The following USP12 variants were observed in gnomAD, a reference collection of about 807,000 sequenced individuals.
USP12 encodes the protein ubiquitin specific peptidase 12, also known as ubiquitin carboxyl-terminal hydrolase 12.
USP12 carries 19 observed loss-of-function variants against 45.5 expected under a neutral mutation model. The ratio of observed to expected loss-of-function variants is 0.42; its 90% confidence interval spans 0.29 to 0.61. The LOEUF (loss-of-function observed/expected upper bound fraction) is 0.61, where lower values mean the gene tolerates loss of function less well. USP12 is among the 20% of genes least tolerant of loss of function. The probability of loss-of-function intolerance (pLI) is 0.22; values close to 1 mark genes in which losing one functional copy is unlikely to be tolerated. For synonymous variants in USP12, 149 were observed against 148.8 expected, an observed-to-expected ratio of 1.00 and a Z score of -0.01; for missense variants, 242 against 447.7, an observed-to-expected ratio of 0.54 and a Z score of 4.15.
chr13:27,088,300 C>T (rs942870714), intron 6 of USP12, among the ~76,000 whole-genome samples: 18 of 151,756 alleles, frequency 1.2e-4, no homozygotes, highest in Non-Finnish European at 1.9e-4. Context: ...CCTGTAGTCC[C>T]AGCTACTCGG....
At chr13:27,143,125 A>G (rs949324406) in intron 1 of USP12, among the ~76,000 whole-genome samples, 26 of 151,708 alleles carry the variant, frequency 1.7e-4, no homozygotes, top group African/African-American at 6.3e-4. Flanking sequence ...GTGAAAGAAC[A>G]ATAAAGTAGT....
intron 1 of USP12, among the ~76,000 whole-genome samples, chr13:27,120,791 T>G (rs1169755364): frequency 2.6e-5 from 4 of 152,152 alleles, no homozygotes; most frequent in Non-Finnish European, 5.9e-5. Context: ...ACTATAGAAT[T>G]CATCATGAAG....
chr13:27,086,430 T>C (rs2137766620), intron 6 of USP12, among the ~76,000 whole-genome samples: 1 of 151,780 alleles, frequency 6.6e-6, no homozygotes, highest in East Asian at 1.9e-4. Context: ...ACTATGTGTG[T>C]ATATACATAC....
At position 27,095,710 on chromosome 13, in the gene USP12, T is replaced by G; in HGVS notation, c.464A>C (p.Asn155Thr). 1 of 1,613,272 alleles carries G rather than the reference T, an allele frequency of 6.2e-7. No individual in the cohort carries two copies. The highest frequency in any genetic ancestry group is 1.1e-5 in the South Asian group (1 of 90,992). The stretch of plus-strand genomic sequence containing the variant: ...ATTATTTTCATTATCAATATTACCA[T>G]TAGGTAAACGACCATTTTGTTTTTC... ...KQEKQNGRLPNGNIDNENNNS... is the reference protein window; with the variant it reads ...KQEKQNGRLPTGNIDNENNNS... The change falls in exon 4 of 9, where the codon AAT (asparagine) becomes ACT (threonine). Residue 155 changes from asparagine to threonine, a missense_variant. Physicochemically the swap from Asn to Thr is moderately conservative, Grantham distance 65 (BLOSUM62 0). This residue lies in a region of USP12 where 40 missense variants were observed against 38.6 expected (regional missense o/e 1.04). Coordinates refer to ENST00000282344, the MANE Select transcript of USP12 (RefSeq NM_182488.4).
chr13:27,169,988 G>A (rs1056039561), intron 1 of USP12: 3 of 224,488 alleles, frequency 1.3e-5, no homozygotes, highest in Admixed American at 5.7e-5. Flanking sequence ...GTGTAGCTCA[G>A]CCATGTGGCA....
Position 27,067,032 on chromosome 13 carries a change from T to C in USP12, c.*2251A>G, listed in dbSNP as rs1203847883. The C allele has an allele frequency of 6.6e-6, 1 of 152,168 alleles. No homozygotes were observed. The highest frequency in any genetic ancestry group is 6.6e-5 in the Admixed American group (1 of 15,264). 9.4% of individuals were successfully genotyped at this position (152,168 alleles called of 1,614,324 possible). A position where few individuals can be genotyped will look rare whatever the true frequency, so the allele number is the denominator to read the frequency against. Reference sequence around the variant, plus strand: ...TCCCCTGACAAATCATACTATGAAGTACGGTGTAGATGTGAACAAGTATGT... The same window carrying C: ...TCCCCTGACAAATCATACTATGAAGCACGGTGTAGATGTGAACAAGTATGT... On this transcript the variant is annotated 3_prime_UTR_variant, in exon 9 of 9. Transcript: ENST00000282344.
chr13:27,127,774 C>G (rs1876309061), intron 1 of USP12, among the ~76,000 whole-genome samples: 1 of 152,186 alleles, frequency 6.6e-6, no homozygotes, highest in African/African-American at 2.4e-5. Flanking sequence ...AATTTCTCAT[C>G]TCTTCAGAAA....
At chr13:27,072,356 CT>C (rs1873285669) in intron 7 of USP12, among the ~76,000 whole-genome samples, 1 of 152,012 alleles carries the variant, frequency 6.6e-6, no homozygotes, top group Non-Finnish European at 1.5e-5. Flanking sequence ...AGTTAGGCGG[CT>C]TTTTCCTTTG....
chr13:27,132,358 CAT>C (rs757511048), intron 1 of USP12, among the ~76,000 whole-genome samples: 3 of 151,650 alleles, frequency 2.0e-5, no homozygotes, highest in Non-Finnish European at 2.9e-5. Flanking sequence ...TTTAGTTACA[CAT>C]GTTAAAAAAT....
intron 1 of USP12, among the ~76,000 whole-genome samples, chr13:27,146,351 A>T (rs1262989491): frequency 6.6e-6 from 1 of 152,124 alleles, no homozygotes; most frequent in African/African-American, 2.4e-5. Context: ...GCAGTGAGCC[A>T]AGATCATGCC....
At chr13:27,133,584 G>A (rs1326101575) in intron 1 of USP12, among the ~76,000 whole-genome samples, 2 of 147,480 alleles carry the variant, frequency 1.4e-5, no homozygotes, top group African/African-American at 2.5e-5. Context: ...AGCCAATATC[G>A]CGCCACTGCG....
At chr13:27,109,294 A>G (rs959807930) in intron 2 of USP12, among the ~76,000 whole-genome samples, 2 of 152,270 alleles carry the variant, frequency 1.3e-5, no homozygotes, top group Non-Finnish European at 2.9e-5. Context: ...GCATTGCTCA[A>G]GTGAACAACT....
rs368369085 is a variant in USP12 at position 27,138,978 on chromosome 13, A to C, written c.49-22382T>G. 2.0e-5 allele frequency among the ~76,000 whole-genome samples: 3 copies of C among 152,324 alleles called. No homozygotes were observed. The East Asian group carries it at 5.8e-4, about 29-fold the overall frequency. ...TGTCACAGTTTCAACGGTAAGGTGT[A>C]TGATCATTCAGCCTTACAATCGCAT... On this transcript the variant is annotated intron_variant, in intron 1 of 8. Coordinates refer to ENST00000282344, the MANE Select transcript of USP12 (RefSeq NM_182488.4).
intron 1 of USP12, among the ~76,000 whole-genome samples, chr13:27,149,586 GAGT>G (rs1470254576): frequency 9.9e-5 from 15 of 152,174 alleles, no homozygotes; most frequent in African/African-American, 3.6e-4. Context: ...TAAAACTATG[GAGT>G]AGAATAGTGG....
intron 6 of USP12, chr13:27,077,241 TAG>T (rs1358695975): frequency 6.6e-6 from 1 of 151,954 alleles, no homozygotes; most frequent in Non-Finnish European, 1.5e-5. Context: ...TAAACCCACA[TAG>T]AGTTACTGAA....
chr13:27,126,152 C>G (rs1002819608), intron 1 of USP12, among the ~76,000 whole-genome samples: 1 of 152,244 alleles, frequency 6.6e-6, no homozygotes, highest in African/African-American at 2.4e-5. Flanking sequence ...GCTCTGATAA[C>G]AGACAGACTG....
At chr13:27,166,602 C>G (rs1393499205) in intron 1 of USP12, among the ~76,000 whole-genome samples, 1 of 152,000 alleles carries the variant, frequency 6.6e-6, no homozygotes, top group African/African-American at 2.4e-5. Flanking sequence ...GAGAAAGTCA[C>G]CAGAAGGTAA....
chr13:27,159,154 A>C (rs1384584897), intron 1 of USP12, among the ~76,000 whole-genome samples: 1 of 152,244 alleles, frequency 6.6e-6, no homozygotes, highest in Non-Finnish European at 1.5e-5. Flanking sequence ...TAAAATTGCA[A>C]AATTAAAAGA....
At chr13:27,160,903 T>A (rs374652595) in intron 1 of USP12, among the ~76,000 whole-genome samples, 18 of 152,032 alleles carry the variant, frequency 1.2e-4, no homozygotes, top group East Asian at 5.8e-4. Flanking sequence ...TCTCCCCGGG[T>A]TAAGCCCAGC....
Sources: allele counts gnomAD v4.1 joint callset (sites outside exome capture counted in the v4.1 genomes callset), GRCh38; gene constraint gnomAD v4.1.1; regional missense constraint gnomAD v4.1.1; transcripts MANE v1.5; gene names NCBI Gene and HGNC (gene_info 2026-07-23, HGNC 2026-07-21).